Variants in VPS26C observed in about 807,000 individuals in gnomAD.
VPS26C encodes VPS26 endosomal protein sorting factor C, also known as vacuolar protein sorting-associated protein 26C.
Under a neutral mutation model 30.6 loss-of-function variants are expected in VPS26C, and 19 were observed. The observed-to-expected ratio is 0.62, with a 90% confidence interval of 0.43 to 0.91. VPS26C has a LOEUF of 0.91. VPS26C is among the 40% of genes least tolerant of loss of function. The pLI, the probability that VPS26C is intolerant of heterozygous loss-of-function variation, is 0.00. For synonymous variants in VPS26C, 132 were observed against 151.5 expected (o/e 0.87, Z 0.95); for missense variants, 318 against 385.1 (o/e 0.83, Z 1.46).
Position 37,227,655 on chromosome 21 carries a change from C to G in VPS26C, c.810G>C (p.Val270=), listed in dbSNP as rs375162666. ...GGCTGGGAGGCGAGTGCCACTTACC[C>G]ACTTTGAAGTTGGTGGTCTCCAGTG... is the stretch of plus-strand genomic sequence containing the variant. ...CPTLETTNFK[V]EFEVNIVVLL... Residue 270 remains valine (V), a splice_region_variant and synonymous_variant, in exon 7 of 8, where the codon GTG becomes GTC. Transcript: ENST00000309117. The G allele has an allele frequency of 1.2e-6, 2 of 1,613,676 alleles. No homozygotes were observed. The highest frequency in any genetic ancestry group is 1.1e-5 in the South Asian group (1 of 91,078).
Position 37,232,411 on chromosome 21 carries a change from G to T in VPS26C, c.473C>A (p.Thr158Lys). 1.9e-6 allele frequency: 3 copies of T among 1,614,204 alleles called. No homozygotes were observed. The highest frequency in any genetic ancestry group is 1.7e-5 in the Admixed American group (1 of 60,034). ...GTTCTGTAAGGTTTCAGGTGTAATC[G>T]TGAAGTCCACGGGACTGGGAGTAAA... The part of the protein sequence containing the change: ...GKFTPSPVDF[T>K]ITPETLQNVK... The change falls in exon 5 of 8, where the codon ACG (threonine) becomes AAG (lysine). Residue 158 changes from threonine to lysine, a missense_variant. Transcript: ENST00000309117.
Position 37,267,276 on chromosome 21 carries a change from T to C in VPS26C, c.19A>G (p.Ile7Val), listed in dbSNP as rs773198574. The change falls in exon 1 of 8, where the codon ATC becomes GTC. Residue 7 changes from isoleucine (I) to valine (V), a missense_variant. Coordinates refer to ENST00000309117, the MANE Select transcript of VPS26C (RefSeq NM_006052.2). ...ACTTTATTCGCTCTTTTAATCTTGATGTCCAGGGCGGTCCCCATCTCCAAT... is the reference window on the plus strand; with the variant it reads ...ACTTTATTCGCTCTTTTAATCTTGACGTCCAGGGCGGTCCCCATCTCCAAT... Reference protein sequence around the residue: MGTALDIKIKRANKVYH... With the variant: MGTALDVKIKRANKVYH... 8 of 1,611,138 alleles carry C rather than the reference T, an allele frequency of 5.0e-6. No individual in the cohort carries two copies. Among genetic ancestry groups the C allele is most frequent in the Non-Finnish European group, 5.9e-6 (7 of 1,179,206 alleles).
intron 1 of VPS26C, among the ~76,000 whole-genome samples, chr21:37,245,339 C>T (rs1054496161): frequency 3.9e-5 from 6 of 152,314 alleles, no homozygotes; most frequent in South Asian, 2.1e-4. Flanking sequence ...CCTTACCTGA[C>T]GGCCCTCATA....
chr21:37,267,730 C>T (rs570324263), upstream of VPS26C: 76 of 228,110 alleles, frequency 3.3e-4, no homozygotes, highest in African/African-American at 1.7e-3. Context: ...ACGCTCCCGT[C>T]AGGCTGTGCG....
At chr21:37,237,046 G>T (rs1201388438) in intron 3 of VPS26C, among the ~76,000 whole-genome samples, 2 of 152,170 alleles carry the variant, frequency 1.3e-5, no homozygotes, top group African/African-American at 4.8e-5. Flanking sequence ...CTCCCAAAGT[G>T]CAGGGATGAC....
intron 1 of VPS26C, among the ~76,000 whole-genome samples, chr21:37,255,185 T>C (rs2086230012): frequency 6.6e-6 from 1 of 152,232 alleles, no homozygotes; most frequent in Non-Finnish European, 1.5e-5. Context: ...GTTTTTTTCC[T>C]GATGATTACT....
At chr21:37,242,139 A>C (rs2086093657) in intron 1 of VPS26C, among the ~76,000 whole-genome samples, 1 of 152,222 alleles carries the variant, frequency 6.6e-6, no homozygotes, top group Non-Finnish European at 1.5e-5. Context: ...AATGGAGATG[A>C]CTGTGTTTGT....
At chr21:37,238,924 A>C (rs2086054354) in intron 2 of VPS26C, among the ~76,000 whole-genome samples, 1 of 152,180 alleles carries the variant, frequency 6.6e-6, no homozygotes, top group Admixed American at 6.5e-5. Context: ...CAGGATCAAG[A>C]AGCAGACCCA....
chr21:37,261,794 G>A (rs146669353), intron 1 of VPS26C: 17 of 152,050 alleles, frequency 1.1e-4, no homozygotes, highest in African/African-American at 2.7e-4. Flanking sequence ...CAGTGCATGA[G>A]GTTACCAAAC....
At chr21:37,267,160 T>A in intron 1 of VPS26C, 78 bp downstream of exon 1, 1 of 1,282,814 alleles carries the variant, frequency 7.8e-7, no homozygotes, top group Non-Finnish European at 1.1e-6. Flanking sequence ...ACGCGGGACG[T>A]GCGCAGAGCG....
chr21:37,237,755 TCTA>T (rs2086040125), intron 3 of VPS26C: 1 of 152,222 alleles, frequency 6.6e-6, no homozygotes, highest in South Asian at 2.1e-4. Context: ...GGATAATGTA[TCTA>T]CTAAGGCCAA....
intron 5 of VPS26C, chr21:37,230,794 G>A (rs1403633426): frequency 6.6e-6 from 1 of 152,364 alleles, no homozygotes; most frequent in Non-Finnish European, 1.5e-5. Context: ...CAGGGCGTGT[G>A]GTCAGCCTGC....
chr21:37,255,216 A>G (rs2086230443), intron 1 of VPS26C, among the ~76,000 whole-genome samples: 1 of 152,214 alleles, frequency 6.6e-6, no homozygotes, highest in Non-Finnish European at 1.5e-5. Context: ...ATTTCTGCCC[A>G]TCGGTTCCTA....
chr21:37,235,501 C>G (rs1156767923), intron 3 of VPS26C, among the ~76,000 whole-genome samples: 2 of 152,146 alleles, frequency 1.3e-5, no homozygotes, highest in African/African-American at 4.8e-5. Flanking sequence ...TGACTAGGAT[C>G]TCTAGAAATG....
At chr21:37,245,660 T>A (rs2086130755) in intron 1 of VPS26C, among the ~76,000 whole-genome samples, 1 of 152,036 alleles carries the variant, frequency 6.6e-6, no homozygotes, top group Non-Finnish European at 1.5e-5. Context: ...CAGGGCAGAG[T>A]GATTGGCAAC....
At chr21:37,239,369 T>TA (rs1215081176) in intron 2 of VPS26C, among the ~76,000 whole-genome samples, 1 of 152,182 alleles carries the variant, frequency 6.6e-6, no homozygotes, top group Non-Finnish European at 1.5e-5. Flanking sequence ...CTGCAAAACT[T>TA]AAAGCGTTAA....
In VPS26C at chr21:37,225,562, C is replaced by T. The variant is rs1182493988; in HGVS notation, c.876G>A (p.Leu292=). Residue 292 remains leucine, a synonymous_variant, in exon 8 of 8, where the codon CTG becomes CTA. Coordinates refer to ENST00000309117, the MANE Select transcript of VPS26C (RefSeq NM_006052.2). ...PDHLITENFP[L]KLCRI is the part of the protein sequence containing the mutation. ...CTCCGGGCTATATCCTGCAGAGCTT[C>T]AGCGGGAAGTTCTCCGTGATGAGGT... 7.4e-6 allele frequency: 12 copies of T among 1,614,132 alleles called. No individual in the cohort carries two copies. Among genetic ancestry groups the T allele is most frequent in the Non-Finnish European group, 1.0e-5 (12 of 1,180,000 alleles).
intron 4 of VPS26C, 157 bp from the exon 5 acceptor site, chr21:37,232,608 T>C (rs889297182): frequency 2.4e-5 from 15 of 632,968 alleles, no homozygotes; most frequent in Non-Finnish European, 3.7e-5. Context: ...CACAGTTCTG[T>C]CAAATTTCCC....
chr21:37,225,867 G>A (rs1303143101), intron 7 of VPS26C: 14 of 559,256 alleles, frequency 2.5e-5, no homozygotes, highest in Non-Finnish European at 2.9e-5. Context: ...CTCTCATCTT[G>A]GAACATGAGT....
Sources: allele counts gnomAD v4.1 joint callset (sites outside exome capture counted in the v4.1 genomes callset), GRCh38; gene constraint gnomAD v4.1.1; transcripts MANE v1.5; gene names NCBI Gene and HGNC (gene_info 2026-07-23, HGNC 2026-07-21).